ST6GALNAC3: variants seen among roughly 807,000 people sequenced by gnomAD.
ST6GALNAC3 encodes the protein ST6 N-acetylgalactosaminide alpha-2,6-sialyltransferase 3, also known as alpha-N-acetylgalactosaminide alpha-2,6-sialyltransferase 3.
A neutral mutation model predicts 32.7 loss-of-function variants in ST6GALNAC3; 25 were observed. That is an observed-to-expected ratio of 0.76 (90% CI 0.56 to 1.07). The LOEUF (loss-of-function observed/expected upper bound fraction) is 1.07. ST6GALNAC3 is among the 50% of genes least tolerant of loss of function. ST6GALNAC3 has a pLI of 0.00. For missense variants in ST6GALNAC3, 355 were observed against 382.4 expected (o/e 0.93, Z 0.60); for synonymous variants, 129 against 133.1 (o/e 0.97, Z 0.21).
At position 76,180,630 on chromosome 1, in the gene ST6GALNAC3, C is replaced by T. The variant is rs114219355; in HGVS notation, c.18+105746C>T. ...ATGAGGAGACGAACAGATGAGAAGA[C>T]GAGCAGATGAGCAGACAAATGGCAG... is the stretch of plus-strand genomic sequence containing the variant. On this transcript the variant is annotated intron_variant, in intron 1 of 4. Transcript: ENST00000328299. Among the ~76,000 whole-genome samples, 1,229 of 152,138 alleles carry T rather than the reference C, an allele frequency of 8.1e-3. 20 individuals carry two copies. Among genetic ancestry groups the T allele is most frequent in the African/African-American group, 0.028 (1,157 of 41,464 alleles).
intron 1 of ST6GALNAC3, among the ~76,000 whole-genome samples, chr1:76,137,957 T>C (rs1650053342): frequency 6.6e-6 from 1 of 152,250 alleles, no homozygotes; most frequent in Non-Finnish European, 1.5e-5. Context: ...CTGTAACTAC[T>C]ATTGCATAAC....
chr1:76,375,866 T>C (rs1176045664), intron 2 of ST6GALNAC3, among the ~76,000 whole-genome samples: 1 of 152,174 alleles, frequency 6.6e-6, no homozygotes, highest in African/African-American at 2.4e-5. Flanking sequence ...TATAAGTTGA[T>C]AAAGCAAGGT....
chr1:76,237,985 T>C (rs1656752605), intron 1 of ST6GALNAC3, among the ~76,000 whole-genome samples: 1 of 152,234 alleles, frequency 6.6e-6, no homozygotes, highest in Non-Finnish European at 1.5e-5. Context: ...TGGAGGATGC[T>C]TTTAACATTT....
At chr1:76,465,832 G>A (rs1439206327) in intron 3 of ST6GALNAC3, among the ~76,000 whole-genome samples, 2 of 151,670 alleles carry the variant, frequency 1.3e-5, no homozygotes, top group Non-Finnish European at 2.9e-5. Context: ...TTTCTGTGAG[G>A]CATTAGGAAA....
At chr1:76,293,390 A>T (rs538716810) in intron 1 of ST6GALNAC3, among the ~76,000 whole-genome samples, 1 of 152,326 alleles carries the variant, frequency 6.6e-6, no homozygotes, top group African/African-American at 2.4e-5. Flanking sequence ...CTATCACCTT[A>T]TGTGATCTTT....
intron 3 of ST6GALNAC3, among the ~76,000 whole-genome samples, chr1:76,448,171 A>G (rs940463386): frequency 6.6e-6 from 1 of 152,160 alleles, no homozygotes; most frequent in African/African-American, 2.4e-5. Context: ...GATGTGAGAC[A>G]TGGAGTCAAA....
At chr1:76,515,441 T>C (rs1424976899) in intron 3 of ST6GALNAC3, among the ~76,000 whole-genome samples, 2 of 152,150 alleles carry the variant, frequency 1.3e-5, no homozygotes, top group East Asian at 1.9e-4. Context: ...TATTATTTCC[T>C]TTCTTCTACC....
chr1:76,378,744 C>G (rs1325102815), intron 2 of ST6GALNAC3, among the ~76,000 whole-genome samples: 2 of 152,060 alleles, frequency 1.3e-5, no homozygotes, highest in African/African-American at 4.8e-5. Flanking sequence ...GCGCTTCACA[C>G]ATGCAGAATG....
chr1:76,081,173 G>A (rs17660501), intron 1 of ST6GALNAC3, among the ~76,000 whole-genome samples: 22,722 of 151,870 alleles, frequency 0.15, 2,141 homozygotes, highest in Middle Eastern at 0.32. Context: ...CCCTGACTTC[G>A]TGTGGTTGTA....
intron 3 of ST6GALNAC3, among the ~76,000 whole-genome samples, chr1:76,617,037 T>A (rs1361408697): frequency 6.6e-6 from 1 of 152,208 alleles, no homozygotes; most frequent in African/African-American, 2.4e-5. Context: ...GCAACAAGAC[T>A]TGGAGACCTA....
chr1:76,405,709 C>T (rs996223203), intron 2 of ST6GALNAC3, among the ~76,000 whole-genome samples: 12 of 151,774 alleles, frequency 7.9e-5, no homozygotes, highest in Admixed American at 7.9e-4. Context: ...CCTGAGTCAA[C>T]GAGAGGTGAA....
At chr1:76,100,712 T>C (rs980688787) in intron 1 of ST6GALNAC3, among the ~76,000 whole-genome samples, 3 of 152,144 alleles carry the variant, frequency 2.0e-5, no homozygotes, top group African/African-American at 7.2e-5. Context: ...AAATGTATTC[T>C]CTTATTGTTT....
intron 1 of ST6GALNAC3, among the ~76,000 whole-genome samples, chr1:76,135,565 T>A (rs1334226147): frequency 6.6e-6 from 1 of 152,204 alleles, no homozygotes; most frequent in Non-Finnish European, 1.5e-5. Flanking sequence ...AAAGTCAAAA[T>A]TCATTGGACA....
intron 1 of ST6GALNAC3, among the ~76,000 whole-genome samples, chr1:76,183,065 T>C (rs1653292351): frequency 6.6e-6 from 1 of 152,118 alleles, no homozygotes; most frequent in African/African-American, 2.4e-5. Context: ...CAGATCTGTT[T>C]GGGGTTTTGT....
At chr1:76,334,495 C>T (rs1194214679) in intron 2 of ST6GALNAC3, among the ~76,000 whole-genome samples, 1 of 152,094 alleles carries the variant, frequency 6.6e-6, no homozygotes, top group East Asian at 1.9e-4. Context: ...ATACATACAC[C>T]CAACAAAAGA....
At chr1:76,074,996 G>A (rs1646793257) in intron 1 of ST6GALNAC3, 112 bp downstream of exon 1, 9 of 1,391,452 alleles carry the variant, frequency 6.5e-6, no homozygotes, top group African/African-American at 1.4e-5. Flanking sequence ...TCTTTTCCTG[G>A]CATTGATTTT....
chr1:76,222,220 A>G (rs1570484432), intron 1 of ST6GALNAC3, among the ~76,000 whole-genome samples: 2 of 152,240 alleles, frequency 1.3e-5, no homozygotes, highest in African/African-American at 4.8e-5. Flanking sequence ...AGAATAGTGA[A>G]GCTGGACCCC....
At chr1:76,343,858 TA>T (rs1462310624) in intron 2 of ST6GALNAC3, among the ~76,000 whole-genome samples, 4 of 152,074 alleles carry the variant, frequency 2.6e-5, no homozygotes, top group Admixed American at 2.6e-4. Flanking sequence ...AAAAGAATTA[TA>T]AAAAAAAGTT....
At chr1:76,141,621 T>C (rs573147504) in intron 1 of ST6GALNAC3, among the ~76,000 whole-genome samples, 22 of 152,330 alleles carry the variant, frequency 1.4e-4, no homozygotes, top group Non-Finnish European at 2.6e-4. Context: ...CATGTACAGA[T>C]GGATTTTTGC....
Sources: gnomAD v4.1 joint callset for allele counts (sites outside exome capture counted in the v4.1 genomes callset) on GRCh38, gnomAD v4.1.1 for gene constraint, MANE v1.5 for transcripts, NCBI Gene and HGNC (gene_info 2026-07-23, HGNC 2026-07-21) for gene names.